The following RALGAPA1 variants were observed in gnomAD, a reference collection of about 807,000 sequenced individuals.
RALGAPA1 encodes ral GTPase-activating protein subunit alpha-1.
RALGAPA1 carries 52 observed loss-of-function variants against 269.6 expected under a neutral mutation model. The ratio of observed to expected loss-of-function variants is 0.19; its 90% confidence interval spans 0.15 to 0.24. The LOEUF is 0.24. Ranked by LOEUF, RALGAPA1 falls within the 10% of genes least tolerant of loss-of-function variation. The pLI, the probability that RALGAPA1 is intolerant of heterozygous loss-of-function variation, is 1.00. For synonymous variants in RALGAPA1, 817 were observed against 1,008.3 expected, an observed-to-expected ratio of 0.81 and a Z score of 3.60; for missense variants, 1,917 against 3,013.9, an observed-to-expected ratio of 0.64 and a Z score of 8.52.
chr14:35,608,483 A>G (rs1011420226), intron 35 of RALGAPA1, among the ~76,000 whole-genome samples: 2 of 152,238 alleles, frequency 1.3e-5, no homozygotes, highest in Non-Finnish European at 2.9e-5. Flanking sequence ...TTTTGGATTC[A>G]AAGACACAGA....
chr14:35,703,962 A>T (rs772268990), intron 16 of RALGAPA1, among the ~76,000 whole-genome samples: 1 of 152,170 alleles, frequency 6.6e-6, no homozygotes, highest in Admixed American at 6.5e-5. Flanking sequence ...AAATTCATGG[A>T]CCGCAAATGT....
intron 37 of RALGAPA1, among the ~76,000 whole-genome samples, chr14:35,574,312 G>C (rs1156847628): frequency 6.6e-6 from 1 of 151,880 alleles, no homozygotes; most frequent in African/African-American, 2.4e-5. Context: ...AAAGAAACGA[G>C]AAAAAAGGGC....
chr14:35,638,233 T>A (rs1232142812), intron 31 of RALGAPA1, among the ~76,000 whole-genome samples: 2 of 152,062 alleles, frequency 1.3e-5, no homozygotes, highest in African/African-American at 2.4e-5. Flanking sequence ...GATGAAAAGA[T>A]GAACCAATAA....
intron 39 of RALGAPA1, among the ~76,000 whole-genome samples, chr14:35,561,642 G>GA (rs2056269926): frequency 6.6e-6 from 1 of 151,304 alleles, no homozygotes; most frequent in Non-Finnish European, 1.5e-5. Context: ...CTGAGTAGCT[G>GA]GGATTACAGG....
At chr14:35,807,408 A>C (rs2077451120) in intron 1 of RALGAPA1, among the ~76,000 whole-genome samples, 1 of 152,222 alleles carries the variant, frequency 6.6e-6, no homozygotes, top group Non-Finnish European at 1.5e-5. Flanking sequence ...GCTAAACTGG[A>C]TTAACTGCTT....
intron 37 of RALGAPA1, among the ~76,000 whole-genome samples, chr14:35,585,347 A>C (rs1174025314): frequency 6.6e-6 from 1 of 152,216 alleles, no homozygotes; most frequent in East Asian, 1.9e-4. Context: ...GGAAAACCCC[A>C]AAATACCTGG....
intron 33 of RALGAPA1, among the ~76,000 whole-genome samples, chr14:35,631,968 G>C (rs2061385531): frequency 6.6e-6 from 1 of 152,130 alleles, no homozygotes; most frequent in African/African-American, 2.4e-5. Context: ...CCCAAAGGTA[G>C]AGACAATGAG....
intron 36 of RALGAPA1, among the ~76,000 whole-genome samples, chr14:35,599,513 G>A (rs529953264): frequency 6.6e-6 from 1 of 152,268 alleles, no homozygotes; most frequent in South Asian, 2.1e-4. Flanking sequence ...GGGAGGGGGA[G>A]GTGGGAGGAT....
chr14:35,645,109 G>T (rs766145820), intron 31 of RALGAPA1, among the ~76,000 whole-genome samples: 1 of 152,114 alleles, frequency 6.6e-6, no homozygotes, highest in Non-Finnish European at 1.5e-5. Flanking sequence ...CAGTATATGT[G>T]AGGGTCCTCT....
At chr14:35,694,860 T>C (rs2066772942) in intron 17 of RALGAPA1, among the ~76,000 whole-genome samples, 1 of 152,080 alleles carries the variant, frequency 6.6e-6, no homozygotes. Flanking sequence ...GTGGACCACC[T>C]GAGGTCAAGA....
At chr14:35,622,219 A>G (rs2060679629) in intron 35 of RALGAPA1, among the ~76,000 whole-genome samples, 1 of 152,242 alleles carries the variant, frequency 6.6e-6, no homozygotes, top group South Asian at 2.1e-4. Flanking sequence ...TTGCAGGGAC[A>G]TGGACGAAGC....
At chr14:35,633,920 A>G (rs1363377604) in intron 33 of RALGAPA1, among the ~76,000 whole-genome samples, 1 of 152,174 alleles carries the variant, frequency 6.6e-6, no homozygotes, top group East Asian at 1.9e-4. Flanking sequence ...TGAGTTAACT[A>G]TGTACTAAGT....
intron 37 of RALGAPA1, among the ~76,000 whole-genome samples, chr14:35,593,529 CTG>C: frequency 6.6e-6 from 1 of 151,996 alleles, no homozygotes; most frequent in Admixed American, 6.5e-5. Context: ...CAAAGCTAAA[CTG>C]AGAAAAAAAC....
intron 27 of RALGAPA1, among the ~76,000 whole-genome samples, chr14:35,662,850 T>C (rs2063631605): frequency 6.6e-6 from 1 of 151,660 alleles, no homozygotes; most frequent in African/African-American, 2.4e-5. Flanking sequence ...AAGGGTCAAT[T>C]TATATAGTTT....
chr14:35,678,176 T>A, intron 21 of RALGAPA1, 74 bp from the exon 22 acceptor site: 1 of 1,388,848 alleles, frequency 7.2e-7, no homozygotes, highest in African/African-American at 1.5e-5. Flanking sequence ...CTTAACACCC[T>A]AAATAAAAGA....
chr14:35,689,778 G>T lies in RALGAPA1; in HGVS notation c.2633C>A (p.Thr878Lys). The part of the protein sequence containing the change: ...SRHAPSLQSS[T>K]EASSITRSTE... ...GGATCTAGTTATTGAAGAAGCCTCT[G>T]TGGAACTCTGCAAGCTTGGTGCATG... The change falls in exon 18 of 42, where the codon ACA becomes AAA. Residue 878 changes from threonine to lysine, a missense_variant. By Grantham distance (78) the Thr-to-Lys change is moderately conservative (BLOSUM62 -1). This residue lies in a region of RALGAPA1 where 615 missense variants were observed against 790.0 expected (regional missense o/e 0.78). Transcript: ENST00000680220. 6.5e-7 allele frequency: 1 copy of T among 1,528,912 alleles called. No individual in the cohort carries two copies. The highest frequency in any genetic ancestry group is 8.7e-7 in the Non-Finnish European group (1 of 1,146,890). The allele number at this position is 1,528,912 out of a possible 1,614,324, so 94.7% of individuals were successfully genotyped here. A position where few individuals can be genotyped will look rare whatever the true frequency, so the allele number is the denominator to read the frequency against.
intron 22 of RALGAPA1, chr14:35,677,443 A>G (rs2065044533): frequency 6.5e-6 from 1 of 153,774 alleles, no homozygotes; most frequent in African/African-American, 2.4e-5. Context: ...AGGTTTCCCA[A>G]GTCACTTTTT....
intron 16 of RALGAPA1, among the ~76,000 whole-genome samples, chr14:35,717,746 C>T (rs1198932493): frequency 3.3e-5 from 5 of 151,778 alleles, no homozygotes; most frequent in African/African-American, 4.8e-5. Context: ...TTAGTAGAGA[C>T]GGGGTTTTAC....
Position 35,634,678 on chromosome 14 carries a change from G to A in RALGAPA1, c.5891C>T (p.Ser1964Phe). The A allele has an allele frequency of 1.9e-6, 3 of 1,613,662 alleles. No individual in the cohort carries two copies. The highest frequency in any genetic ancestry group is 2.5e-6 in the Non-Finnish European group (3 of 1,179,690). The change falls in exon 33 of 42, where the codon TCT (serine) becomes TTT (phenylalanine). Residue 1964 changes from serine to phenylalanine, a missense_variant. Physicochemically the swap from Ser to Phe is radical, Grantham distance 155 (BLOSUM62 -2). Coordinates refer to ENST00000680220, the MANE Select transcript of RALGAPA1 (RefSeq NM_001346249.2). Reference sequence around the variant, plus strand: ...ATGCATAAAAGGATCATAATCTACAGATGCCAAATCAGAGAGGCTCATGGG... The same window carrying A: ...ATGCATAAAAGGATCATAATCTACAAATGCCAAATCAGAGAGGCTCATGGG... ...YFPMSLSDLA[S>F]VDYDPFMHLE...
Sources: allele counts gnomAD v4.1 joint callset (sites outside exome capture counted in the v4.1 genomes callset), GRCh38; gene constraint gnomAD v4.1.1; regional missense constraint gnomAD v4.1.1; transcripts MANE v1.5; gene names NCBI Gene and HGNC (gene_info 2026-07-23, HGNC 2026-07-21).